FRMPD4: variants seen among roughly 807,000 people sequenced by gnomAD.
FRMPD4 encodes the protein FERM and PDZ domain-containing protein 4.
FRMPD4 carries 22 observed loss-of-function variants against 94.1 expected under a neutral mutation model. That is an observed-to-expected ratio of 0.23 (90% CI 0.17 to 0.33). The LOEUF (loss-of-function observed/expected upper bound fraction) is 0.33, where lower values mean the gene tolerates loss of function less well. FRMPD4 is among the 10% of genes least tolerant of loss of function. The probability of loss-of-function intolerance (pLI) is 1.00; values close to 1 mark genes in which losing one functional copy is unlikely to be tolerated. For missense variants in FRMPD4, 1,111 were observed against 1,339.9 expected, an observed-to-expected ratio of 0.83 and a Z score of 2.67; for synonymous variants, 631 against 548.6, an observed-to-expected ratio of 1.15 and a Z score of -2.10.
At chrX:12,648,504 C>A (rs1329597646) in intron 4 of FRMPD4, among the ~76,000 whole-genome samples, 1 of 111,934 alleles carries the variant, frequency 8.9e-6, no homozygotes, top group Non-Finnish European at 1.9e-5. Flanking sequence ...AGATATCTAT[C>A]TGTAGTCGCT....
At chrX:12,048,792 C>T (rs1184305705) in intron 3 of FRMPD4, among the ~76,000 whole-genome samples, 5 of 111,319 alleles carry the variant, frequency 4.5e-5, no homozygotes, top group South Asian at 3.8e-4. Context: ...GATCAGATGG[C>T]GGTAGGTGTG....
At chrX:11,863,143 G>T (rs1236011980) in intron 1 of FRMPD4, among the ~76,000 whole-genome samples, 2 of 108,615 alleles carry the variant, frequency 1.8e-5, no homozygotes, top group African/African-American at 6.7e-5. Context: ...TTAACATTAG[G>T]TATATCTCCT....
chrX:12,085,066 G>A (rs903970611), intron 3 of FRMPD4, among the ~76,000 whole-genome samples: 1 of 111,800 alleles, frequency 8.9e-6, no homozygotes, highest in Non-Finnish European at 1.9e-5. Flanking sequence ...TCACAAGATA[G>A]ATACTAATCT....
At position 12,716,502 on chromosome X, in the gene FRMPD4, G is replaced by T; in HGVS notation, c.2043G>T (p.Met681Ile). The T allele has an allele frequency of 8.3e-7, 1 of 1,210,439 alleles. No individual in the cohort carries two copies. Among genetic ancestry groups the T allele is most frequent in the Non-Finnish European group, 1.1e-6 (1 of 894,559 alleles). The change falls in exon 15 of 17, where the codon ATG becomes ATT. Residue 681 changes from methionine to isoleucine, a missense_variant. By Grantham distance (10) the Met-to-Ile change is conservative (BLOSUM62 1). Coordinates refer to ENST00000675598, the MANE Select transcript of FRMPD4 (RefSeq NM_001368397.1). ...CGCTACTAGATGAGGGTCCTGAAAT[G>T]CTGGAGAAGCAGAGAAATCTCTACA... ...YETLLDEGPE[M>I]LEKQRNLYIG...
intron 2 of FRMPD4, among the ~76,000 whole-genome samples, chrX:11,869,627 A>G (rs2053744656): frequency 8.9e-6 from 1 of 111,825 alleles, no homozygotes; most frequent in Non-Finnish European, 1.9e-5. Context: ...AATGAAAATA[A>G]TGTTAAATAT....
At chrX:12,706,627 A>G (rs1461090561) in intron 11 of FRMPD4, among the ~76,000 whole-genome samples, 199 bp from the exon 12 acceptor site, 1 of 111,990 alleles carries the variant, frequency 8.9e-6, no homozygotes, top group Non-Finnish European at 1.9e-5. Flanking sequence ...TAAGATTTGA[A>G]TCTTGATTTT....
intron 4 of FRMPD4, among the ~76,000 whole-genome samples, chrX:12,647,988 A>G (rs2059563229): frequency 9.0e-6 from 1 of 111,337 alleles, no homozygotes; most frequent in African/African-American, 3.3e-5. Context: ...ATCCACATGG[A>G]TGAAATTACC....
intron 3 of FRMPD4, 58 bp from the exon 4 acceptor site, chrX:12,614,721 G>C (rs2059218207): frequency 8.2e-6 from 5 of 609,251 alleles, no homozygotes; most frequent in Non-Finnish European, 1.4e-5. Flanking sequence ...CAGGAGAGGA[G>C]GCTTGGGATA....
chrX:12,541,797 T>G (rs1181615800), intron 2 of FRMPD4, among the ~76,000 whole-genome samples: 1 of 111,651 alleles, frequency 9.0e-6, no homozygotes, highest in South Asian at 3.8e-4. Context: ...AAAAAGAGAA[T>G]TTTAGACCAA....
intron 3 of FRMPD4, among the ~76,000 whole-genome samples, chrX:11,880,976 G>A (rs1431272011): frequency 8.9e-6 from 1 of 112,191 alleles, no homozygotes; most frequent in Non-Finnish European, 1.9e-5. Context: ...ATTAAATGAG[G>A]CAAAACAACA....
At chrX:12,029,652 A>G (rs2054680342) in intron 3 of FRMPD4, among the ~76,000 whole-genome samples, 3 of 111,739 alleles carry the variant, frequency 2.7e-5, no homozygotes, top group African/African-American at 9.8e-5. Context: ...TGAAGGGTGT[A>G]AAGTCTGTGT....
chrX:11,870,739 C>G (rs1297607807), intron 2 of FRMPD4, among the ~76,000 whole-genome samples: 2 of 111,581 alleles, frequency 1.8e-5, no homozygotes, highest in African/African-American at 6.5e-5. Context: ...AATTGTGACC[C>G]AACAGTAATA....
intron 1 of FRMPD4, among the ~76,000 whole-genome samples, chrX:12,185,058 A>T (rs1788910676): frequency 9.0e-6 from 1 of 111,666 alleles, no homozygotes; most frequent in African/African-American, 3.3e-5. Context: ...ATTTTCTATG[A>T]TGTGATTTTT....
chrX:12,551,979 A>G (rs1341899911), intron 2 of FRMPD4, among the ~76,000 whole-genome samples: 5 of 112,007 alleles, frequency 4.5e-5, no homozygotes, highest in African/African-American at 1.6e-4. Flanking sequence ...GGTAGAATAA[A>G]TGGTTGAGTC....
chrX:12,284,039 A>T (rs1193258537), intron 1 of FRMPD4, among the ~76,000 whole-genome samples: 1 of 112,112 alleles, frequency 8.9e-6, no homozygotes, highest in Non-Finnish European at 1.9e-5. Context: ...TCAGTAAATT[A>T]ATCTGTGGAA....
At chrX:12,580,905 A>G (rs1300465408) in intron 2 of FRMPD4, among the ~76,000 whole-genome samples, 2 of 112,386 alleles carry the variant, frequency 1.8e-5, no homozygotes, top group East Asian at 2.8e-4. Flanking sequence ...TTAGGCTACT[A>G]AGAATGGTGT....
At chrX:12,449,759 G>C (rs1227935489) in intron 1 of FRMPD4, among the ~76,000 whole-genome samples, 1 of 111,271 alleles carries the variant, frequency 9.0e-6, no homozygotes, top group Non-Finnish European at 1.9e-5. Context: ...AGACCAAGGT[G>C]GGAGCATCAC....
intron 1 of FRMPD4, among the ~76,000 whole-genome samples, chrX:12,179,209 G>A (rs1369352707): frequency 9.0e-6 from 1 of 111,503 alleles, no homozygotes; most frequent in African/African-American, 3.3e-5. Context: ...TACCAAGGTA[G>A]TGGAGACAGA....
chrX:12,096,022 C>G (rs1455645282), intron 3 of FRMPD4, among the ~76,000 whole-genome samples: 13 of 112,183 alleles, frequency 1.2e-4, no homozygotes, highest in Non-Finnish European at 2.4e-4. Flanking sequence ...CTCTGGGTAG[C>G]TAATAAGCTT....
Sources: allele counts gnomAD v4.1 joint callset (sites outside exome capture counted in the v4.1 genomes callset), GRCh38; gene constraint gnomAD v4.1.1; transcripts MANE v1.5; gene names NCBI Gene and HGNC (gene_info 2026-07-23, HGNC 2026-07-21).